Variants in MAPRE1 observed in about 807,000 individuals in gnomAD.
MAPRE1 encodes the protein microtubule associated protein RP/EB family member 1, also known as microtubule-associated protein RP/EB family member 1.
Under a neutral mutation model 32.1 loss-of-function variants are expected in MAPRE1, and 5 were observed. The ratio of observed to expected loss-of-function variants is 0.16; its 90% confidence interval spans 0.08 to 0.33. The LOEUF is 0.33. Among genes scored for constraint, MAPRE1 ranks in the 10% least tolerant of loss-of-function variants. The pLI is 1.00. For synonymous variants in MAPRE1, 122 were observed against 118.9 expected, an observed-to-expected ratio of 1.03 and a Z score of -0.17; for missense variants, 209 against 327.2, an observed-to-expected ratio of 0.64 and a Z score of 2.79.
intron 1 of MAPRE1, among the ~76,000 whole-genome samples, chr20:32,822,999 T>A (rs1982743108): frequency 6.6e-6 from 1 of 152,234 alleles, no homozygotes; most frequent in Non-Finnish European, 1.5e-5. Flanking sequence ...TGTTGATGAT[T>A]TGCTTTCTGA....
intron 3 of MAPRE1, 126 bp from the exon 4 acceptor site, chr20:32,836,508 G>T: frequency 1.6e-6 from 1 of 636,004 alleles, no homozygotes; most frequent in Non-Finnish European, 2.8e-6. Flanking sequence ...TAGGGGCTTA[G>T]CCCTAAGGTC....
At position 32,824,838 on chromosome 20, in the gene MAPRE1, A is replaced by G. The variant is rs377272216; in HGVS notation, c.-3-1087A>G. Among the ~76,000 whole-genome samples the G allele has an allele frequency of 1.5e-4, 23 of 152,102 alleles. No homozygotes were observed. The South Asian group carries it at 4.8e-3, about 32-fold the overall frequency. ...TAAGGAAAATTTGGGAAGTAGTGAA[A>G]ACTATAAATAGGAATTAATAAAAAC... On this transcript the variant is annotated intron_variant, in intron 1 of 6. Transcript: ENST00000375571.
chr20:32,836,862 C>T (rs568834364), intron 4 of MAPRE1, 21 bp downstream of exon 4: 48 of 1,573,056 alleles, frequency 3.1e-5, no homozygotes, highest in South Asian at 2.2e-4. Context: ...AACCCCAAAA[C>T]GTTTCCAAAA....
At chr20:32,831,086 A>G (rs1252865661) in intron 2 of MAPRE1, among the ~76,000 whole-genome samples, 1 of 152,128 alleles carries the variant, frequency 6.6e-6, no homozygotes, top group Non-Finnish European at 1.5e-5. Context: ...CTTTACATAA[A>G]GCAAACCAAA....
At chr20:32,823,996 C>A (rs1982772679) in intron 1 of MAPRE1, among the ~76,000 whole-genome samples, 1 of 152,234 alleles carries the variant, frequency 6.6e-6, no homozygotes, top group South Asian at 2.1e-4. Context: ...AGCCCTATCT[C>A]TAGAGCTTCA....
chr20:32,839,919 G>T, intron 5 of MAPRE1, 63 bp downstream of exon 5: 1 of 1,602,038 alleles, frequency 6.2e-7, no homozygotes, highest in Non-Finnish European at 8.5e-7. Flanking sequence ...CGGTGGCCAG[G>T]GTGCCTTATC....
At chr20:32,839,080 C>T (rs772670862) in intron 4 of MAPRE1, among the ~76,000 whole-genome samples, 12 of 152,150 alleles carry the variant, frequency 7.9e-5, no homozygotes, top group Non-Finnish European at 1.5e-4. Flanking sequence ...CTTTTCTCTC[C>T]TCACTCTTCT....
chr20:32,842,325 TC>T (rs1983388302), intron 5 of MAPRE1, among the ~76,000 whole-genome samples: 1 of 152,216 alleles, frequency 6.6e-6, no homozygotes, highest in Non-Finnish European at 1.5e-5. Context: ...GGCCTTGTGA[TC>T]CATCTGCCTC....
chr20:32,841,918 TGGATAAAAGACTGTGA>T (rs1013815572), intron 5 of MAPRE1, among the ~76,000 whole-genome samples: 2 of 151,928 alleles, frequency 1.3e-5, no homozygotes, highest in African/African-American at 4.8e-5. Flanking sequence ...TAAATGTCAG[TGGATAAAAGACTGTGA>T]TGATTATGGT....
At chr20:32,843,362 C>G (rs1174405121) in intron 5 of MAPRE1, 1 of 152,014 alleles carries the variant, frequency 6.6e-6, no homozygotes, top group Non-Finnish European at 1.5e-5. Context: ...GTATTCGTAT[C>G]CTTGGGAGAT....
At chr20:32,846,493 G>A (rs1031172692) in intron 5 of MAPRE1, 125 bp from the exon 6 acceptor site, 1 of 851,686 alleles carries the variant, frequency 1.2e-6, no homozygotes, top group Admixed American at 2.1e-5. Context: ...ACATTAAACT[G>A]ATGTGGTTTT....
chr20:32,839,950 T>C, intron 5 of MAPRE1, 94 bp downstream of exon 5: 3 of 1,526,962 alleles, frequency 2.0e-6, no homozygotes, highest in Non-Finnish European at 2.7e-6. Flanking sequence ...AATGAACACC[T>C]GCCTTGTTTG....
At chr20:32,836,994 A>T (rs1316349859) in intron 4 of MAPRE1, among the ~76,000 whole-genome samples, 153 bp downstream of exon 4, 1 of 152,250 alleles carries the variant, frequency 6.6e-6, no homozygotes, top group Non-Finnish European at 1.5e-5. Context: ...GGCATCAGGC[A>T]GATAACGGTG....
chr20:32,831,986 C>T (rs1170464525), intron 2 of MAPRE1, among the ~76,000 whole-genome samples: 1 of 149,804 alleles, frequency 6.7e-6, no homozygotes, highest in Non-Finnish European at 1.5e-5. Flanking sequence ...CCTCAGTGTA[C>T]TTTTGTTGGA....
intron 1 of MAPRE1, among the ~76,000 whole-genome samples, chr20:32,823,680 G>GGAGGATTGTTTGAGGCT (rs1568874985): frequency 6.6e-6 from 1 of 152,182 alleles, no homozygotes; most frequent in Non-Finnish European, 1.5e-5. Context: ...AGGCTGAGGC[G>GGAGGATTGTTTGAGGCT]GAGGATTGTT....
At chr20:32,833,266 C>T (rs1054820729) in intron 2 of MAPRE1, among the ~76,000 whole-genome samples, 2 of 152,018 alleles carry the variant, frequency 1.3e-5, no homozygotes, top group African/African-American at 4.8e-5. Context: ...GGGAGACAGA[C>T]GTCTTAGGGA....
chr20:32,831,585 A>G (rs182812239), intron 2 of MAPRE1, among the ~76,000 whole-genome samples: 1 of 151,096 alleles, frequency 6.6e-6, no homozygotes, highest in Admixed American at 6.6e-5. Context: ...CTGGAGTGCA[A>G]TGAATGGTGC....
intron 1 of MAPRE1, among the ~76,000 whole-genome samples, chr20:32,824,212 C>T (rs1477850462): frequency 6.6e-6 from 1 of 152,226 alleles, no homozygotes; most frequent in Non-Finnish European, 1.5e-5. Context: ...GTATCCTGGT[C>T]CCTAGAACAG....
At position 32,849,542 on chromosome 20, in the gene MAPRE1, A is replaced by G. The variant is rs770824502; in HGVS notation, c.*814A>G. On this transcript the variant is annotated 3_prime_UTR_variant, in exon 7 of 7. Transcript: ENST00000375571. The stretch of plus-strand genomic sequence containing the variant: ...GGTGTGCCCAGTTTTTTAATCTAAC[A>G]ACTACTTTTGGGGACTTGCCCACAT... The G allele has an allele frequency of 6.6e-6, 1 of 152,440 alleles. No homozygotes were observed. Among genetic ancestry groups the G allele is most frequent in the African/African-American group, 2.4e-5 (1 of 41,436 alleles). The allele number at this position is 152,440 out of a possible 1,614,324, so 9.4% of individuals were successfully genotyped here. A position where few individuals can be genotyped will look rare whatever the true frequency, so the allele number is the denominator to read the frequency against.
Sources: gnomAD v4.1 joint callset for allele counts (sites outside exome capture counted in the v4.1 genomes callset) on GRCh38, gnomAD v4.1.1 for gene constraint, MANE v1.5 for transcripts, NCBI Gene and HGNC (gene_info 2026-07-23, HGNC 2026-07-21) for gene names.